Variants in VSNL1 observed in about 807,000 individuals in gnomAD.
VSNL1 encodes the protein visinin like 1.
VSNL1 carries 6 observed loss-of-function variants against 20.4 expected under a neutral mutation model. The ratio of observed to expected loss-of-function variants is 0.29; its 90% CI spans 0.16 to 0.58. The LOEUF is 0.58. Ranked by LOEUF, VSNL1 falls within the 20% of genes least tolerant of loss-of-function variation. The pLI is 0.90. For missense variants in VSNL1, 100 were observed against 234.5 expected, an observed-to-expected ratio of 0.43 and a Z score of 3.75; for synonymous variants, 93 against 86.4, an observed-to-expected ratio of 1.08 and a Z score of -0.42.
In VSNL1 at chr2:17,587,348, AACACACACAC is replaced by A. The variant is rs67537461; in HGVS notation, c.-5-4684_-5-4675del. Among the ~76,000 whole-genome samples, 201 of 134,654 alleles carry A rather than the reference AACACACACAC, an allele frequency of 1.5e-3. 1 individual carries two copies. Among genetic ancestry groups the A allele is most frequent in the African/African-American group, 4.9e-3 (170 of 34,918 alleles). The allele number at this position is 134,654 out of a possible 152,430, so 88.3% of individuals were successfully genotyped here. On this transcript the variant is annotated intron_variant, in intron 1 of 3. Coordinates refer to ENST00000295156, the MANE Select transcript of VSNL1 (RefSeq NM_003385.5). ...AGTAGGTAAGAGACAGGCTGAGGGCAACACACACACACACACACACACACACACACACACA... is the reference window on the plus strand; with the variant it reads ...AGTAGGTAAGAGACAGGCTGAGGGCAACACACACACACACACACACACACA...
chr2:17,546,412 G>GT (rs68180991), intron 1 of VSNL1, among the ~76,000 whole-genome samples: 43,633 of 150,792 alleles, frequency 0.29, 8,166 homozygotes, highest in East Asian at 0.87. Flanking sequence ...ATAGTTTTTT[G>GT]TTTTTTTTGG....
At chr2:17,596,419 G>A (rs1664710979) in intron 2 of VSNL1, among the ~76,000 whole-genome samples, 1 of 152,194 alleles carries the variant, frequency 6.6e-6, no homozygotes, top group African/African-American at 2.4e-5. Flanking sequence ...ATTAAGATGG[G>A]CAGTTTGCAA....
At chr2:17,643,380 C>T (rs1267741649) in intron 2 of VSNL1, among the ~76,000 whole-genome samples, 4 of 152,158 alleles carry the variant, frequency 2.6e-5, no homozygotes, top group African/African-American at 4.8e-5. Context: ...AGTAGTAATG[C>T]GAATGGGCTT....
intron 2 of VSNL1, among the ~76,000 whole-genome samples, chr2:17,605,251 T>C (rs1428110729): frequency 6.6e-6 from 1 of 152,250 alleles, no homozygotes; most frequent in South Asian, 2.1e-4. Context: ...AAGATCCTTC[T>C]CTGCACAGCA....
chr2:17,569,047 C>A (rs1664020663), intron 1 of VSNL1, among the ~76,000 whole-genome samples: 1 of 152,140 alleles, frequency 6.6e-6, no homozygotes, highest in African/African-American at 2.4e-5. Context: ...GTGGCTCACT[C>A]CTGTAATCAC....
intron 2 of VSNL1, among the ~76,000 whole-genome samples, chr2:17,620,144 T>C (rs1665322635): frequency 6.6e-6 from 1 of 152,104 alleles, no homozygotes; most frequent in South Asian, 2.1e-4. Context: ...GGAAGGCACA[T>C]TGGGAAACAC....
intron 2 of VSNL1, among the ~76,000 whole-genome samples, chr2:17,621,285 T>A (rs1329640710): frequency 1.3e-5 from 2 of 151,814 alleles, no homozygotes; most frequent in African/African-American, 2.4e-5. Context: ...TCTTTCTTTT[T>A]TTCTCTCTCT....
intron 2 of VSNL1, among the ~76,000 whole-genome samples, chr2:17,614,645 T>C (rs1665173780): frequency 6.6e-6 from 1 of 152,222 alleles, no homozygotes; most frequent in Admixed American, 6.5e-5. Context: ...TTTTGTCTTC[T>C]TAGCAGGGCC....
intron 2 of VSNL1, among the ~76,000 whole-genome samples, chr2:17,621,217 T>C (rs1665347337): frequency 6.6e-6 from 1 of 151,452 alleles, no homozygotes; most frequent in African/African-American, 2.4e-5. Context: ...CTTCCTTCCT[T>C]TCTCTCTCTC....
chr2:17,546,645 C>T (rs1375534574), intron 1 of VSNL1, among the ~76,000 whole-genome samples: 2 of 151,826 alleles, frequency 1.3e-5, no homozygotes, highest in Non-Finnish European at 2.9e-5. Context: ...TCTTGAAGTC[C>T]AATTTTAAAT....
chr2:17,635,143 A>T (rs946338706), intron 2 of VSNL1, among the ~76,000 whole-genome samples: 2 of 152,118 alleles, frequency 1.3e-5, no homozygotes, highest in Non-Finnish European at 2.9e-5. Flanking sequence ...ACAGGTGCCA[A>T]AAAGGAGGAG....
chr2:17,606,736 C>G (rs966009310), intron 2 of VSNL1, among the ~76,000 whole-genome samples: 1 of 152,154 alleles, frequency 6.6e-6, no homozygotes, highest in African/African-American at 2.4e-5. Flanking sequence ...TGGTCCCTAT[C>G]CCTTCCTCTC....
chr2:17,650,678 T>C (rs1558312858), intron 3 of VSNL1, among the ~76,000 whole-genome samples: 1 of 151,956 alleles, frequency 6.6e-6, no homozygotes, highest in Admixed American at 6.6e-5. Flanking sequence ...CACAAGAAAA[T>C]GGGATGATTG....
chr2:17,557,517 T>C (rs1243869005), intron 1 of VSNL1, among the ~76,000 whole-genome samples: 1 of 152,148 alleles, frequency 6.6e-6, no homozygotes, highest in Non-Finnish European at 1.5e-5. Context: ...TGTAAGAAAG[T>C]GTAACAAGGA....
At chr2:17,619,985 G>C (rs1665319544) in intron 2 of VSNL1, among the ~76,000 whole-genome samples, 1 of 152,138 alleles carries the variant, frequency 6.6e-6, no homozygotes, top group Non-Finnish European at 1.5e-5. Context: ...TAGGGGAAGG[G>C]CACTTGCCCT....
intron 1 of VSNL1, chr2:17,541,490 T>A (rs1426900047): frequency 6.6e-6 from 1 of 152,082 alleles, no homozygotes; most frequent in Non-Finnish European, 1.5e-5. Context: ...AGTAGATAAT[T>A]TTTTTCGTCT....
intron 2 of VSNL1, among the ~76,000 whole-genome samples, chr2:17,633,440 A>G (rs577864313): frequency 6.6e-6 from 1 of 150,584 alleles, no homozygotes; most frequent in Non-Finnish European, 1.5e-5. Flanking sequence ...AATTGCTTGA[A>G]CCTGAGAGGC....
rs1445456117 is a variant in VSNL1 at position 17,656,769 on chromosome 2, C to G, written c.*1375C>G. ...GATGATGGGAAGGTCTACATCTGCA[C>G]AGCACGCTAGCTATAACTGCACATA... On this transcript the variant is annotated 3_prime_UTR_variant, in exon 4 of 4. Coordinates refer to ENST00000295156, the MANE Select transcript of VSNL1 (RefSeq NM_003385.5). 1 of 152,196 alleles carries G rather than the reference C, an allele frequency of 6.6e-6. No individual in the cohort carries two copies. Among genetic ancestry groups the G allele is most frequent in the African/African-American group, 2.4e-5 (1 of 41,432 alleles). 9.4% of individuals were successfully genotyped at this position (152,196 alleles called of 1,614,324 possible). A position where few individuals can be genotyped will look rare whatever the true frequency, so the allele number is the denominator to read the frequency against.
intron 2 of VSNL1, among the ~76,000 whole-genome samples, chr2:17,643,893 C>T (rs1212110237): frequency 6.6e-6 from 1 of 152,256 alleles, no homozygotes; most frequent in Non-Finnish European, 1.5e-5. Context: ...GGAGTGAAAG[C>T]GGCCCCGGGA....
Sources: gnomAD v4.1 joint callset for allele counts (sites outside exome capture counted in the v4.1 genomes callset) on GRCh38, gnomAD v4.1.1 for gene constraint, MANE v1.5 for transcripts, NCBI Gene and HGNC (gene_info 2026-07-23, HGNC 2026-07-21) for gene names.